TMTC2: variants seen among roughly 807,000 people sequenced by gnomAD.
TMTC2 encodes the protein protein O-mannosyl-transferase TMTC2.
TMTC2 carries 43 observed loss-of-function variants against 82.4 expected under a neutral mutation model. The ratio of observed to expected loss-of-function variants is 0.52; its 90% CI spans 0.41 to 0.67. TMTC2 has a LOEUF of 0.67. Among genes scored for constraint, TMTC2 ranks in the 30% least tolerant of loss-of-function variants. TMTC2 has a pLI of 0.00. For missense variants in TMTC2, 919 were observed against 1,012.4 expected (o/e 0.91, Z 1.25); for synonymous variants, 408 against 381.9 (o/e 1.07, Z -0.80).
At chr12:82,891,280 G>T (rs1221782877) in intron 2 of TMTC2, among the ~76,000 whole-genome samples, 1 of 152,122 alleles carries the variant, frequency 6.6e-6, no homozygotes, top group Non-Finnish European at 1.5e-5. Context: ...TTTGAAGAGA[G>T]ATTTGTTTTT....
chr12:82,845,882 C>T (rs1204561350), intron 1 of TMTC2, among the ~76,000 whole-genome samples: 8 of 149,846 alleles, frequency 5.3e-5, no homozygotes, highest in Admixed American at 6.7e-5. Context: ...TTTAATTATA[C>T]GTGATAAACA....
chr12:82,797,194 T>C (rs910984711), intron 1 of TMTC2, among the ~76,000 whole-genome samples: 12 of 152,194 alleles, frequency 7.9e-5, no homozygotes, highest in African/African-American at 2.9e-4. Context: ...ACAAGTGATC[T>C]TGAAATTTTT....
chr12:82,971,079 A>C (rs1878426296), intron 7 of TMTC2, among the ~76,000 whole-genome samples: 1 of 152,178 alleles, frequency 6.6e-6, no homozygotes. Flanking sequence ...TTAGAATCAT[A>C]GAATGTTAAA....
intron 1 of TMTC2, among the ~76,000 whole-genome samples, chr12:82,841,239 C>T (rs1418790041): frequency 2.6e-5 from 4 of 152,082 alleles, no homozygotes; most frequent in African/African-American, 9.7e-5. Context: ...CAGAATAAAA[C>T]GTGTTAGAGC....
chr12:83,093,368 A>G (rs1171480945), intron 11 of TMTC2, among the ~76,000 whole-genome samples: 2 of 152,224 alleles, frequency 1.3e-5, no homozygotes, highest in African/African-American at 2.4e-5. Flanking sequence ...AAGGTAAAAC[A>G]CAACCCTCCA....
chr12:83,000,141 AT>A (rs35324172), intron 8 of TMTC2, among the ~76,000 whole-genome samples: 115,557 of 150,788 alleles, frequency 0.77, 45,735 homozygotes, highest in South Asian at 0.93. Context: ...GGGGCAGTCA[AT>A]TTTTTTTTTT....
intron 3 of TMTC2, among the ~76,000 whole-genome samples, chr12:82,917,849 G>A (rs1237598895): frequency 2.7e-5 from 4 of 150,352 alleles, no homozygotes; most frequent in African/African-American, 4.9e-5. Context: ...TGATCCACCC[G>A]CCTTGGCCTC....
At chr12:83,025,946 A>G (rs1881154549) in intron 8 of TMTC2, among the ~76,000 whole-genome samples, 1 of 152,178 alleles carries the variant, frequency 6.6e-6, no homozygotes, top group Non-Finnish European at 1.5e-5. Context: ...CTACTGGGGT[A>G]TAGACATGTT....
At chr12:82,987,058 TTG>T (rs1412947940) in intron 8 of TMTC2, among the ~76,000 whole-genome samples, 1 of 152,168 alleles carries the variant, frequency 6.6e-6, no homozygotes, top group African/African-American at 2.4e-5. Flanking sequence ...AAAAGTATTT[TTG>T]TGTTACTTCA....
chr12:82,807,555 G>A (rs1879302634), intron 1 of TMTC2, among the ~76,000 whole-genome samples: 2 of 152,078 alleles, frequency 1.3e-5, no homozygotes, highest in African/African-American at 4.8e-5. Context: ...CAGAGACAAT[G>A]CATGTTTCTA....
intron 11 of TMTC2, among the ~76,000 whole-genome samples, chr12:83,124,137 A>G (rs532812378): frequency 6.6e-6 from 1 of 152,348 alleles, no homozygotes; most frequent in Admixed American, 6.5e-5. Context: ...AGGTTATAGT[A>G]AATGCCAAGT....
At chr12:83,129,481 T>C (rs987653356) in intron 11 of TMTC2, among the ~76,000 whole-genome samples, 90 of 152,318 alleles carry the variant, frequency 5.9e-4, no homozygotes, top group African/African-American at 2.0e-3. Flanking sequence ...GTTTCATCAT[T>C]TGATGGCAGG....
intron 8 of TMTC2, among the ~76,000 whole-genome samples, chr12:83,016,470 C>A (rs1880685711): frequency 1.3e-5 from 2 of 152,246 alleles, no homozygotes; most frequent in East Asian, 1.9e-4. Context: ...ACTTGTGTAA[C>A]AAGAGTTCTT....
chr12:82,729,875 G>T (rs936362837), intron 1 of TMTC2, among the ~76,000 whole-genome samples: 1 of 152,170 alleles, frequency 6.6e-6, no homozygotes, highest in East Asian at 1.9e-4. Flanking sequence ...AAGGTCTGCA[G>T]CTTCACTCCT....
At chr12:82,911,600 A>AT (rs879943736) in intron 3 of TMTC2, among the ~76,000 whole-genome samples, 46 of 151,826 alleles carry the variant, frequency 3.0e-4, no homozygotes, top group Non-Finnish European at 5.2e-4. Context: ...ATTCTTATTT[A>AT]TTTTTTTCTT....
At chr12:82,964,935 A>ATTTTTTTTTT in intron 4 of TMTC2, 89 bp from the exon 5 acceptor site, 1 of 786,418 alleles carries the variant, frequency 1.3e-6, no homozygotes. Flanking sequence ...GCTGTTAACC[A>ATTTTTTTTTT]TTTTTATTTT....
chr12:83,109,948 C>T (rs1486457077), intron 11 of TMTC2, among the ~76,000 whole-genome samples: 2 of 152,146 alleles, frequency 1.3e-5, no homozygotes, highest in African/African-American at 2.4e-5. Flanking sequence ...AGATGGGTGA[C>T]AATTGTACTG....
intron 11 of TMTC2, among the ~76,000 whole-genome samples, chr12:83,077,717 G>A (rs200695613): frequency 5.9e-5 from 9 of 151,702 alleles, no homozygotes; most frequent in East Asian, 5.9e-4. Context: ...TGGGACTACC[G>A]GCACACGCCA....
intron 11 of TMTC2, among the ~76,000 whole-genome samples, chr12:83,063,279 T>C (rs1169716322): frequency 2.4e-5 from 3 of 122,736 alleles, no homozygotes; most frequent in Non-Finnish European, 5.1e-5. Flanking sequence ...AAAATAACCC[T>C]CCTTCTTCTG....
Sources: allele counts gnomAD v4.1 joint callset (sites outside exome capture counted in the v4.1 genomes callset), GRCh38; gene constraint gnomAD v4.1.1; transcripts MANE v1.5; gene names NCBI Gene and HGNC (gene_info 2026-07-23, HGNC 2026-07-21).